CCSER1: variants seen among roughly 807,000 people sequenced by gnomAD.
CCSER1 encodes coiled-coil serine rich protein 1, also known as serine-rich coiled-coil domain-containing protein 1.
CCSER1 carries 41 observed loss-of-function variants against 82.0 expected under a neutral mutation model. The observed-to-expected ratio is 0.50, with a 90% CI of 0.39 to 0.65. The LOEUF is 0.65. Among genes scored for constraint, CCSER1 ranks in the 30% least tolerant of loss-of-function variants. The pLI, the probability that CCSER1 is intolerant of heterozygous loss-of-function variation, is 0.00. For missense variants in CCSER1, 1,119 were observed against 1,064.2 expected (o/e 1.05, Z -0.72); for synonymous variants, 414 against 383.9 (o/e 1.08, Z -0.92).
chr4:91,379,339 C>T lies in CCSER1; in HGVS notation c.2218-219233C>T, dbSNP rs534962363. 1.7e-4 allele frequency among the ~76,000 whole-genome samples: 26 copies of T among 152,112 alleles called. No homozygotes were observed. In the East Asian group the frequency reaches 5.0e-3, roughly 29 times the overall value. ...TCAGAAGGAATGGTCCCAGCTCCTC[C>T]TTGTACCTCTGGTAGAATTCGGCTG... On this transcript the variant is annotated intron_variant, in intron 10 of 10. Coordinates refer to ENST00000509176, the MANE Select transcript of CCSER1 (RefSeq NM_001145065.2).
chr4:90,520,754 T>G (rs532551021), intron 5 of CCSER1, among the ~76,000 whole-genome samples: 1 of 152,278 alleles, frequency 6.6e-6, no homozygotes, highest in East Asian at 1.9e-4. Flanking sequence ...AAACATGTGA[T>G]GCAAATTTAG....
intron 8 of CCSER1, among the ~76,000 whole-genome samples, chr4:90,844,521 A>G (rs1464466530): frequency 6.6e-6 from 1 of 152,016 alleles, no homozygotes; most frequent in African/African-American, 2.4e-5. Flanking sequence ...GCCTTAGCTC[A>G]TTTCTTAGAC....
chr4:90,726,458 C>T (rs919428066), intron 7 of CCSER1, among the ~76,000 whole-genome samples: 1 of 152,128 alleles, frequency 6.6e-6, no homozygotes, highest in South Asian at 2.1e-4. Flanking sequence ...AAAAAGATGG[C>T]ATCCTAGGGA....
At chr4:90,428,250 C>A (rs1757801227) in intron 4 of CCSER1, among the ~76,000 whole-genome samples, 1 of 151,634 alleles carries the variant, frequency 6.6e-6, no homozygotes, top group Admixed American at 6.6e-5. Flanking sequence ...CTCTTTTTCC[C>A]TCTCCAACAA....
At chr4:91,438,861 A>G (rs1420893241) in intron 10 of CCSER1, among the ~76,000 whole-genome samples, 1 of 152,240 alleles carries the variant, frequency 6.6e-6, no homozygotes, top group Non-Finnish European at 1.5e-5. Flanking sequence ...CAATGCGATC[A>G]ACTGGAAGAA....
intron 8 of CCSER1, among the ~76,000 whole-genome samples, chr4:90,818,241 G>T (rs548215615): frequency 1.3e-5 from 2 of 150,656 alleles, no homozygotes; most frequent in East Asian, 1.9e-4. Flanking sequence ...GACAGAATGG[G>T]TCTAGAAAAA....
At chr4:90,148,646 C>G (rs557068145) in intron 1 of CCSER1, among the ~76,000 whole-genome samples, 6 of 152,198 alleles carry the variant, frequency 3.9e-5, no homozygotes, top group African/African-American at 1.4e-4. Flanking sequence ...ATCTTTTTTC[C>G]CAAACTCTAT....
At chr4:90,595,370 A>G (rs1783209513) in intron 5 of CCSER1, among the ~76,000 whole-genome samples, 1 of 151,992 alleles carries the variant, frequency 6.6e-6, no homozygotes, top group African/African-American at 2.4e-5. Context: ...CACTTGAAAT[A>G]TTTATATGTT....
intron 6 of CCSER1, among the ~76,000 whole-genome samples, chr4:90,655,844 C>G (rs867570752): frequency 1.9e-4 from 29 of 151,812 alleles, no homozygotes; most frequent in Non-Finnish European, 3.2e-4. Flanking sequence ...ATCTGACAAA[C>G]TTAAACAATT....
intron 8 of CCSER1, among the ~76,000 whole-genome samples, chr4:90,900,101 T>G (rs1216776039): frequency 2.0e-5 from 3 of 149,162 alleles, no homozygotes; most frequent in South Asian, 4.2e-4. Context: ...AGAGTTTTTT[T>G]TTTTTTTTTT....
chr4:90,325,808 T>C (rs905662777), intron 3 of CCSER1: 29 of 244,256 alleles, frequency 1.2e-4, no homozygotes, highest in African/African-American at 5.5e-4. Context: ...ATAAATTAAA[T>C]AAGTCAAAGA....
chr4:90,307,516 G>T (rs1455061548), intron 1 of CCSER1, among the ~76,000 whole-genome samples: 2 of 102,318 alleles, frequency 2.0e-5, no homozygotes, highest in Non-Finnish European at 3.6e-5. Flanking sequence ...GGGGGGAGGG[G>T]GGAGGGATGG....
intron 8 of CCSER1, among the ~76,000 whole-genome samples, chr4:90,869,276 A>G (rs1427776293): frequency 6.6e-6 from 1 of 151,984 alleles, no homozygotes; most frequent in Non-Finnish European, 1.5e-5. Context: ...ATCTTTACCC[A>G]GACCAAAGTC....
At chr4:91,033,376 G>A (rs1741150853) in intron 9 of CCSER1, among the ~76,000 whole-genome samples, 1 of 151,956 alleles carries the variant, frequency 6.6e-6, no homozygotes, top group Non-Finnish European at 1.5e-5. Context: ...TATTGCAGCA[G>A]GGAAAAAGGG....
intron 1 of CCSER1, among the ~76,000 whole-genome samples, chr4:90,196,797 G>A (rs1736711292): frequency 6.6e-6 from 1 of 151,994 alleles, no homozygotes; most frequent in African/African-American, 2.4e-5. Context: ...TGAAATATGA[G>A]CTAATATAAC....
At chr4:90,973,543 AC>A (rs1352177268) in intron 9 of CCSER1, among the ~76,000 whole-genome samples, 3 of 151,668 alleles carry the variant, frequency 2.0e-5, no homozygotes, top group African/African-American at 7.3e-5. Context: ...AGAAAAAGCA[AC>A]CCTTGTACAG....
chr4:90,944,041 C>G (rs1231428483), intron 9 of CCSER1, among the ~76,000 whole-genome samples: 1 of 151,758 alleles, frequency 6.6e-6, no homozygotes, highest in Non-Finnish European at 1.5e-5. Flanking sequence ...TGCAACCAGC[C>G]TGGGCAAAAC....
At chr4:90,993,165 T>C (rs140258802) in intron 9 of CCSER1, among the ~76,000 whole-genome samples, 1 of 152,224 alleles carries the variant, frequency 6.6e-6, no homozygotes, top group African/African-American at 2.4e-5. Context: ...TAGTCAACTT[T>C]CTTTTGATAT....
intron 6 of CCSER1, among the ~76,000 whole-genome samples, chr4:90,687,178 TCTC>T (rs1734963982): frequency 1.3e-5 from 2 of 152,214 alleles, no homozygotes; most frequent in African/African-American, 4.8e-5. Flanking sequence ...AGAATTATTC[TCTC>T]AATGTCTAAA....
Sources: allele counts gnomAD v4.1 joint callset (sites outside exome capture counted in the v4.1 genomes callset), GRCh38; gene constraint gnomAD v4.1.1; transcripts MANE v1.5; gene names NCBI Gene and HGNC (gene_info 2026-07-23, HGNC 2026-07-21).